The following CENPP variants were observed in gnomAD, a reference collection of about 807,000 sequenced individuals.
CENPP encodes centromere protein P.
In CENPP, 24 loss-of-function variants were observed where a neutral mutation model predicts 35.6. That is an observed-to-expected ratio of 0.67 (90% CI 0.49 to 0.95). The LOEUF is 0.95. Ranked by LOEUF, CENPP falls within the 40% of genes least tolerant of loss-of-function variation. The pLI, the probability that CENPP is intolerant of heterozygous loss-of-function variation, is 0.00. For synonymous variants in CENPP, 120 were observed against 125.5 expected (o/e 0.96, Z 0.29); for missense variants, 332 against 345.3 (o/e 0.96, Z 0.31).
intron 4 of CENPP, among the ~76,000 whole-genome samples, chr9:92,353,114 T>A (rs1205316880): frequency 6.6e-6 from 1 of 152,132 alleles, no homozygotes; most frequent in Non-Finnish European, 1.5e-5. Flanking sequence ...TGATATGAAG[T>A]CAATAAATCA....
chr9:92,417,236 G>T, intron 5 of CENPP: 1 of 1,613,980 alleles, frequency 6.2e-7, no homozygotes, highest in Non-Finnish European at 8.5e-7. Flanking sequence ...GAATGAATTT[G>T]CAGTCACAGC....
intron 1 of CENPP, 101 bp downstream of exon 1, chr9:92,326,206 A>G: frequency 2.6e-6 from 2 of 765,566 alleles, no homozygotes; most frequent in Non-Finnish European, 4.2e-6. Flanking sequence ...TCCCAGCCCT[A>G]GAAAGTGGGC....
intron 5 of CENPP, chr9:92,424,565 T>G (rs1157132815): frequency 1.3e-5 from 2 of 152,246 alleles, no homozygotes; most frequent in African/African-American, 2.4e-5. Flanking sequence ...TGAAACAGCA[T>G]GTACTGATTA....
At chr9:92,447,735 T>C (rs937553026) in intron 5 of CENPP, among the ~76,000 whole-genome samples, 1 of 152,118 alleles carries the variant, frequency 6.6e-6, no homozygotes, top group Non-Finnish European at 1.5e-5. Context: ...CATGAGAAGG[T>C]AGGGCAGGAC....
At chr9:92,507,031 C>T (rs978785313) in intron 5 of CENPP, among the ~76,000 whole-genome samples, 1 of 152,136 alleles carries the variant, frequency 6.6e-6, no homozygotes, top group African/African-American at 2.4e-5. Context: ...CCTCAGCCTC[C>T]CGAGTATCTG....
intron 5 of CENPP, chr9:92,393,243 T>G: frequency 6.4e-7 from 1 of 1,559,360 alleles, no homozygotes; most frequent in Non-Finnish European, 8.7e-7. Context: ...ACGTGGGCAT[T>G]TCTAAATTGG....
intron 5 of CENPP, chr9:92,502,373 C>A: frequency 9.6e-7 from 1 of 1,041,156 alleles, no homozygotes; most frequent in Non-Finnish European, 1.4e-6. Context: ...GGTAAGGGTT[C>A]ACTAAGAAAC....
chr9:92,529,190 A>G (rs1848595041), intron 5 of CENPP, among the ~76,000 whole-genome samples: 1 of 152,230 alleles, frequency 6.6e-6, no homozygotes, highest in Admixed American at 6.5e-5. Flanking sequence ...TGTCATCCAA[A>G]ATTTCAACAC....
intron 3 of CENPP, among the ~76,000 whole-genome samples, chr9:92,339,011 G>A (rs938229392): frequency 2.0e-5 from 3 of 152,192 alleles, no homozygotes; most frequent in Non-Finnish European, 4.4e-5. Context: ...TCCAAGAAAA[G>A]TTGAAAGCCA....
At chr9:92,564,356 T>C (rs751708277) in intron 5 of CENPP, among the ~76,000 whole-genome samples, 28 of 151,674 alleles carry the variant, frequency 1.8e-4, no homozygotes, top group Non-Finnish European at 3.4e-4. Context: ...ACCACTGCAC[T>C]CTAGCCTGGG....
chr9:92,438,998 C>T (rs558034883), intron 5 of CENPP, among the ~76,000 whole-genome samples: 4 of 152,294 alleles, frequency 2.6e-5, no homozygotes, highest in East Asian at 3.9e-4. Context: ...GTTATTGCTA[C>T]GTGGTATGGC....
At chr9:92,443,770 C>T (rs183500958) in intron 5 of CENPP, among the ~76,000 whole-genome samples, 1 of 152,212 alleles carries the variant, frequency 6.6e-6, no homozygotes, top group East Asian at 1.9e-4. Flanking sequence ...ATCAATTCCC[C>T]TGCCTCAGCC....
intron 5 of CENPP, among the ~76,000 whole-genome samples, chr9:92,484,298 C>T (rs369891116): frequency 2.0e-5 from 3 of 152,236 alleles, no homozygotes; most frequent in African/African-American, 4.8e-5. Flanking sequence ...TCTTACTCCT[C>T]AAGTCACAGC....
intron 5 of CENPP, among the ~76,000 whole-genome samples, chr9:92,447,281 G>C (rs1420284695): frequency 6.6e-6 from 1 of 151,846 alleles, no homozygotes; most frequent in Non-Finnish European, 1.5e-5. Context: ...CCATCATGTA[G>C]AATCAGTAGG....
At chr9:92,429,283 C>T (rs1844044309) in intron 5 of CENPP, among the ~76,000 whole-genome samples, 2 of 152,188 alleles carry the variant, frequency 1.3e-5, no homozygotes, top group Admixed American at 6.5e-5. Flanking sequence ...CTTACTCTCA[C>T]CTCCCAGACC....
chr9:92,560,678 T>TTCA (rs1217820462), intron 5 of CENPP, among the ~76,000 whole-genome samples: 1 of 152,134 alleles, frequency 6.6e-6, no homozygotes, highest in African/African-American at 2.4e-5. Context: ...CTTTTATTCC[T>TTCA]TCATCCCATT....
At chr9:92,557,712 G>A (rs961842247) in intron 5 of CENPP, among the ~76,000 whole-genome samples, 8 of 152,074 alleles carry the variant, frequency 5.3e-5, no homozygotes, top group Non-Finnish European at 1.0e-4. Context: ...GCACGATCTC[G>A]TCTCACTGCA....
chr9:92,375,860 T>C (rs1488942726), intron 4 of CENPP, among the ~76,000 whole-genome samples: 2 of 152,124 alleles, frequency 1.3e-5, no homozygotes, highest in Non-Finnish European at 2.9e-5. Context: ...AATTTCTTTT[T>C]TTTTTTTTCC....
At position 92,619,056 on chromosome 9, in the gene CENPP, T is replaced by C. The variant is rs111450153; in HGVS notation, c.*5907T>C. 2,264 of 230,522 alleles carry C rather than the reference T, an allele frequency of 9.8e-3. 65 individuals are homozygous for C. Among genetic ancestry groups the C allele is most frequent in the African/African-American group, 0.048 (2,124 of 44,444 alleles). 14.3% of individuals were successfully genotyped at this position (230,522 alleles called of 1,614,324 possible). ...AGAGGAAGCAGAATGAATGCGCGCCTCACAGGCTTTCAAATGACTGTGGTG... is the reference window on the plus strand; with the variant it reads ...AGAGGAAGCAGAATGAATGCGCGCCCCACAGGCTTTCAAATGACTGTGGTG... On this transcript the variant is annotated 3_prime_UTR_variant, in exon 8 of 8. Coordinates refer to ENST00000375587, the MANE Select transcript of CENPP (RefSeq NM_001012267.3).
Sources: gnomAD v4.1 joint callset for allele counts (sites outside exome capture counted in the v4.1 genomes callset) on GRCh38, gnomAD v4.1.1 for gene constraint, MANE v1.5 for transcripts, NCBI Gene and HGNC (gene_info 2026-07-23, HGNC 2026-07-21) for gene names.